NELL2: variants seen among roughly 807,000 people sequenced by gnomAD.
The protein encoded by NELL2 is neural EGFL like 2.
In NELL2, 41 loss-of-function variants were observed where a neutral mutation model predicts 109.6. The ratio of observed to expected loss-of-function variants is 0.37; its 90% CI spans 0.29 to 0.49. NELL2 has a LOEUF of 0.49. Among genes scored for constraint, NELL2 ranks in the 20% least tolerant of loss-of-function variants. NELL2 has a pLI of 0.98. For missense variants in NELL2, 900 were observed against 1,008.3 expected, an observed-to-expected ratio of 0.89 and a Z score of 1.45; for synonymous variants, 355 against 344.7, an observed-to-expected ratio of 1.03 and a Z score of -0.33.
intron 1 of NELL2, among the ~76,000 whole-genome samples, chr12:44,911,892 C>T (rs1945783646): frequency 6.6e-6 from 1 of 151,726 alleles, no homozygotes; most frequent in African/African-American, 2.4e-5. Flanking sequence ...ATGGGTGCAG[C>T]ACATCAACAT....
At chr12:44,775,472 T>C (rs549036250) in intron 8 of NELL2, among the ~76,000 whole-genome samples, 13 of 152,360 alleles carry the variant, frequency 8.5e-5, no homozygotes, top group Non-Finnish European at 1.5e-4. Flanking sequence ...AAAATGAACA[T>C]ATATTTCTGA....
intron 1 of NELL2, among the ~76,000 whole-genome samples, chr12:44,902,002 T>A (rs2136881999): frequency 6.6e-6 from 1 of 152,320 alleles, no homozygotes; most frequent in East Asian, 1.9e-4. Flanking sequence ...AAGACAAGGA[T>A]ACCCTCTCTC....
chr12:44,710,833 T>G (rs1938155988), intron 11 of NELL2, among the ~76,000 whole-genome samples: 1 of 151,926 alleles, frequency 6.6e-6, no homozygotes, highest in African/African-American at 2.4e-5. Flanking sequence ...GAATTGAGAG[T>G]AGAATCAAGA....
At chr12:44,721,592 C>T (rs1028958255) in intron 9 of NELL2, among the ~76,000 whole-genome samples, 2 of 151,848 alleles carry the variant, frequency 1.3e-5, no homozygotes, top group African/African-American at 2.4e-5. Context: ...ACAGGAACAT[C>T]GTCTTTGGTT....
intron 3 of NELL2, among the ~76,000 whole-genome samples, chr12:44,797,633 A>C (rs186278962): frequency 6.6e-6 from 1 of 151,932 alleles, no homozygotes; most frequent in African/African-American, 2.4e-5. Flanking sequence ...AAATTACAGA[A>C]AATACATAAA....
intron 1 of NELL2, among the ~76,000 whole-genome samples, chr12:44,888,963 T>C (rs1218014244): frequency 6.6e-6 from 1 of 152,064 alleles, no homozygotes; most frequent in Non-Finnish European, 1.5e-5. Flanking sequence ...GTCCCTGCTT[T>C]CCTAAGCCAG....
At chr12:44,854,708 G>A (rs377432730) in intron 2 of NELL2, among the ~76,000 whole-genome samples, 22 of 144,056 alleles carry the variant, frequency 1.5e-4, no homozygotes, top group Admixed American at 5.7e-4. Flanking sequence ...GGATGGATGG[G>A]TGGGTGGGTG....
chr12:44,817,649 T>C (rs905983893), intron 2 of NELL2, among the ~76,000 whole-genome samples: 4 of 152,168 alleles, frequency 2.6e-5, no homozygotes, highest in African/African-American at 9.7e-5. Context: ...CATCACATAG[T>C]GCAGTGAGTG....
At chr12:44,916,897 A>G (rs1477446488), upstream of NELL2, among the ~76,000 whole-genome samples, 1 of 152,230 alleles carries the variant, frequency 6.6e-6, no homozygotes, top group Non-Finnish European at 1.5e-5. Context: ...TTGATTGATA[A>G]GAGAACACTG....
At chr12:44,856,201 T>C (rs534835333) in intron 2 of NELL2, among the ~76,000 whole-genome samples, 2 of 152,278 alleles carry the variant, frequency 1.3e-5, no homozygotes, top group East Asian at 1.9e-4. Context: ...CTAACAAATA[T>C]ATAGAGATGC....
At chr12:44,515,677 C>A (rs921350897) in intron 19 of NELL2, among the ~76,000 whole-genome samples, 3 of 151,826 alleles carry the variant, frequency 2.0e-5, no homozygotes, top group Non-Finnish European at 4.4e-5. Flanking sequence ...AGTCTGACTA[C>A]TAGGAATAAT....
intron 3 of NELL2, among the ~76,000 whole-genome samples, chr12:44,814,155 A>C (rs1419906516): frequency 6.6e-6 from 1 of 152,142 alleles, no homozygotes; most frequent in Non-Finnish European, 1.5e-5. Context: ...GGAGGAGCAG[A>C]TGGAGGGCCC....
At chr12:44,884,751 A>G (rs963599550) in intron 1 of NELL2, among the ~76,000 whole-genome samples, 4 of 152,074 alleles carry the variant, frequency 2.6e-5, no homozygotes, top group African/African-American at 9.7e-5. Flanking sequence ...TTTAAAATCA[A>G]TCAAGATAAT....
chr12:44,740,053 G>A lies in NELL2; in HGVS notation c.995-25312C>T, dbSNP rs552705429. On this transcript the variant is annotated intron_variant, in intron 9 of 19. Coordinates refer to ENST00000429094, the MANE Select transcript of NELL2 (RefSeq NM_001145108.2). ...CAAGACCAAAAATACTTATTGTCTC[G>A]CCCTTTACAGAACAAACGTACATAC... Among the ~76,000 whole-genome samples, 215 of 152,068 alleles carry A rather than the reference G, an allele frequency of 1.4e-3. 10 individuals are homozygous for A. In the South Asian group the frequency reaches 0.042, roughly 30 times the overall value.
intron 16 of NELL2, among the ~76,000 whole-genome samples, chr12:44,525,558 C>A (rs985610713): frequency 1.3e-5 from 2 of 152,128 alleles, no homozygotes; most frequent in African/African-American, 4.8e-5. Flanking sequence ...AATTTTGGAA[C>A]CCATTTTTAC....
At chr12:44,726,285 T>A (rs1196216144) in intron 9 of NELL2, among the ~76,000 whole-genome samples, 1 of 152,200 alleles carries the variant, frequency 6.6e-6, no homozygotes. Flanking sequence ...TAGATGTATT[T>A]CTTTAAGTTT....
At chr12:44,521,462 G>A (rs1592061924) in intron 18 of NELL2, among the ~76,000 whole-genome samples, 1 of 150,022 alleles carries the variant, frequency 6.7e-6, no homozygotes, top group South Asian at 2.1e-4. Context: ...CCCGGGAGGC[G>A]GAGCTTGCAG....
upstream of NELL2, among the ~76,000 whole-genome samples, chr12:44,881,253 A>C (rs1415472862): frequency 2.6e-5 from 4 of 151,994 alleles, no homozygotes; most frequent in Admixed American, 6.5e-5. Context: ...AACTAGAAAA[A>C]CTTCAACTTA....
intron 12 of NELL2, among the ~76,000 whole-genome samples, chr12:44,699,488 T>C (rs1401983907): frequency 1.3e-5 from 2 of 152,108 alleles, no homozygotes; most frequent in East Asian, 3.9e-4. Flanking sequence ...GTACAGAAGT[T>C]AAATGAGAAA....
Sources: allele counts gnomAD v4.1 joint callset (sites outside exome capture counted in the v4.1 genomes callset), GRCh38; gene constraint gnomAD v4.1.1; transcripts MANE v1.5; gene names NCBI Gene and HGNC (gene_info 2026-07-23, HGNC 2026-07-21).